Variants in COL18A1 observed in about 807,000 individuals in gnomAD.
COL18A1 encodes collagen type XVIII alpha 1 chain.
Under a neutral mutation model 168.0 loss-of-function variants are expected in COL18A1, and 133 were observed. The observed-to-expected ratio is 0.79, with a 90% CI of 0.69 to 0.91. The LOEUF (loss-of-function observed/expected upper bound fraction) is 0.91. COL18A1 is among the 40% of genes least tolerant of loss of function. The pLI is 0.00. For synonymous variants in COL18A1, 949 were observed against 809.0 expected (o/e 1.17, Z -2.94); for missense variants, 2,126 against 1,925.4 (o/e 1.10, Z -1.95).
At chr21:45,497,395 G>T (rs1382726105) in intron 31 of COL18A1, among the ~76,000 whole-genome samples, 1 of 152,238 alleles carries the variant, frequency 6.6e-6, no homozygotes, top group Non-Finnish European at 1.5e-5. Flanking sequence ...TGCCCTGCAG[G>T]TGTGGCCTGG....
intron 2 of COL18A1, among the ~76,000 whole-genome samples, chr21:45,413,246 C>T (rs2033350290): frequency 6.6e-6 from 1 of 152,256 alleles, no homozygotes; most frequent in South Asian, 2.1e-4. Context: ...CTGCTTCTTA[C>T]TGAGCCCCGC....
chr21:45,446,578 A>G (rs919165220), intron 2 of COL18A1, among the ~76,000 whole-genome samples: 2 of 152,254 alleles, frequency 1.3e-5, no homozygotes, highest in African/African-American at 4.8e-5. Context: ...CCAAGCATTT[A>G]AAGAATTAAA....
chr21:45,511,674 C>T (rs972401687), intron 41 of COL18A1, among the ~76,000 whole-genome samples: 7 of 152,122 alleles, frequency 4.6e-5, no homozygotes, highest in Non-Finnish European at 1.0e-4. Flanking sequence ...GCCCTCCCCA[C>T]GTGAGCGCCG....
chr21:45,430,293 C>A (rs1032708707), intron 2 of COL18A1, among the ~76,000 whole-genome samples: 3 of 152,236 alleles, frequency 2.0e-5, no homozygotes, highest in Non-Finnish European at 4.4e-5. Flanking sequence ...TTCTCCTGAG[C>A]GTGTGGAACT....
chr21:45,512,569 T>C lies in COL18A1; in HGVS notation c.*171T>C. 1.5e-6 allele frequency: 1 copy of C among 679,120 alleles called. No homozygotes were observed. Among genetic ancestry groups the C allele is most frequent in the Admixed American group, 2.8e-5 (1 of 35,854 alleles). The allele number at this position is 679,120 out of a possible 1,614,324, so 42.1% of individuals were successfully genotyped here. ...AAATAAAAGGAAGCCAAAGAGTGTA[T>C]TTTTTTAAAAGTTTAAAACAGAAGC... On this transcript the variant is annotated 3_prime_UTR_variant, in exon 42 of 42. Coordinates refer to ENST00000651438, the MANE Select transcript of COL18A1 (RefSeq NM_001379500.1).
intron 3 of COL18A1, among the ~76,000 whole-genome samples, chr21:45,469,832 C>T (rs1358493757): frequency 3.3e-5 from 5 of 152,198 alleles, no homozygotes; most frequent in Non-Finnish European, 7.4e-5. Context: ...TGAAAGCTGA[C>T]TTTTCACCTT....
At chr21:45,465,622 C>G (rs528140173) in intron 2 of COL18A1, among the ~76,000 whole-genome samples, 3 of 152,154 alleles carry the variant, frequency 2.0e-5, no homozygotes, top group Admixed American at 2.0e-4. Context: ...CATGTGGGCA[C>G]GAGCGGCCCT....
chr21:45,488,590 C>CA (rs1185304556), intron 18 of COL18A1, 146 bp downstream of exon 18: 2 of 1,158,010 alleles, frequency 1.7e-6, no homozygotes, highest in Non-Finnish European at 2.5e-6. Flanking sequence ...CAAAATACAG[C>CA]AAAAAAGCCT....
In COL18A1 at chr21:45,463,390, G is replaced by T. The variant is rs531452373; in HGVS notation, c.107-4852G>T. Among the ~76,000 whole-genome samples the T allele has an allele frequency of 6.6e-6, 1 of 152,348 alleles. No individual in the cohort carries two copies. The highest frequency in any genetic ancestry group is 1.9e-4 in the East Asian group (1 of 5,184). ...ATGTGTGGCTGCTATTGTGCCAAGA[G>T]CTGGGGTTTAGCTAAATTAACCACC... On this transcript the variant is annotated intron_variant, in intron 2 of 41. Transcript: ENST00000651438. The surrounding 1 kb of genome is among the most constrained non-coding windows in gnomAD (Gnocchi z 4.0).
chr21:45,475,585 C>A, intron 5 of COL18A1, 50 bp downstream of exon 5: 1 of 1,523,920 alleles, frequency 6.6e-7, no homozygotes, highest in Non-Finnish European at 9.0e-7. Flanking sequence ...CCGGGAGAGC[C>A]CCTCCCAGCA....
At chr21:45,438,511 G>T (rs1346765162) in intron 2 of COL18A1, among the ~76,000 whole-genome samples, 4 of 152,276 alleles carry the variant, frequency 2.6e-5, no homozygotes, top group African/African-American at 9.6e-5. Context: ...TTTTCTCGAT[G>T]TTGGGTTTAC....
At position 45,473,993 on chromosome 21, in the gene COL18A1, C is replaced by T. The variant is rs576660664; in HGVS notation, c.738+12C>T. The T allele has an allele frequency of 7.6e-5, 120 of 1,577,510 alleles. 1 individual carries two copies. The African/African-American group carries it at 1.5e-3, about 19-fold the overall frequency. On this transcript the variant is annotated intron_variant, in intron 4 of 41. Transcript: ENST00000651438. This position sits in a 1 kb window ranked among gnomAD's most constrained non-coding sequence, Gnocchi z 4.0. Reference sequence around the variant, plus strand: ...ATGACTCAGATGGGGTGAGTGACATCTGGGGCACGGGTGGGGTCTCCCCTC... The same window carrying T: ...ATGACTCAGATGGGGTGAGTGACATTTGGGGCACGGGTGGGGTCTCCCCTC...
intron 2 of COL18A1, among the ~76,000 whole-genome samples, chr21:45,448,679 C>T (rs147495490): frequency 6.6e-6 from 1 of 152,238 alleles, no homozygotes; most frequent in Admixed American, 6.5e-5. Context: ...GTCATTGTCA[C>T]GCCTGAGAAG....
In COL18A1 at chr21:45,504,565, C is replaced by T; in HGVS notation, c.2868+9C>T. On this transcript the variant is annotated intron_variant, in intron 34 of 41. Transcript: ENST00000651438. Reference sequence around the variant, plus strand: ...GCTACCCTGGGATTCCAGTAAGTCCCAGCCTGTGCAGGCAGAGCCCATGTC... The same window carrying T: ...GCTACCCTGGGATTCCAGTAAGTCCTAGCCTGTGCAGGCAGAGCCCATGTC... 1.9e-6 allele frequency: 3 copies of T among 1,566,020 alleles called. No individual in the cohort carries two copies. Among genetic ancestry groups the T allele is most frequent in the African/African-American group, 1.4e-5 (1 of 73,730 alleles).
At chr21:45,458,650 G>A (rs1341749629) in intron 2 of COL18A1, among the ~76,000 whole-genome samples, 1 of 152,190 alleles carries the variant, frequency 6.6e-6, no homozygotes, top group Non-Finnish European at 1.5e-5. Context: ...CTGACTGGAG[G>A]GACCCGGGTC....
chr21:45,484,469 A>G (rs1254692536), intron 15 of COL18A1, among the ~76,000 whole-genome samples: 1 of 150,806 alleles, frequency 6.6e-6, no homozygotes, highest in Non-Finnish European at 1.5e-5. Context: ...ACACACATGC[A>G]CGCCTCTCCA....
At chr21:45,489,426 C>A in intron 18 of COL18A1, 60 bp from the exon 19 acceptor site, 1 of 1,305,082 alleles carries the variant, frequency 7.7e-7, no homozygotes. Context: ...CCGGGGTGGA[C>A]GCTGCCTGAG....
At chr21:45,431,361 G>T (rs1296926080) in intron 2 of COL18A1, among the ~76,000 whole-genome samples, 1 of 150,328 alleles carries the variant, frequency 6.7e-6, no homozygotes, top group African/African-American at 2.5e-5. Flanking sequence ...GCCCAGGGGA[G>T]GGGGGCAGGC....
intron 15 of COL18A1, 26 bp downstream of exon 15, chr21:45,482,847 A>G (rs2035947607): frequency 1.2e-6 from 2 of 1,614,152 alleles, no homozygotes; most frequent in Non-Finnish European, 1.7e-6. Flanking sequence ...CTGGCACATC[A>G]GTCCCCTGCC....
Sources: gnomAD v4.1 joint callset for allele counts (sites outside exome capture counted in the v4.1 genomes callset) on GRCh38, gnomAD v4.1.1 for gene constraint, Gnocchi (gnomAD v3.1) non-coding constraint, MANE v1.5 for transcripts, NCBI Gene and HGNC (gene_info 2026-07-23, HGNC 2026-07-21) for gene names.